DRC1: variants seen among roughly 807,000 people sequenced by gnomAD.
DRC1 encodes dynein regulatory complex subunit 1, also known as dynein regulatory complex protein 1.
In DRC1, 74 loss-of-function variants were observed where a neutral mutation model predicts 98.7. The ratio of observed to expected loss-of-function variants is 0.75; its 90% CI spans 0.62 to 0.91. The LOEUF (loss-of-function observed/expected upper bound fraction) is 0.91. Among genes scored for constraint, DRC1 ranks in the 40% least tolerant of loss-of-function variants. The pLI, the probability that DRC1 is intolerant of heterozygous loss-of-function variation, is 0.00. For synonymous variants in DRC1, 336 were observed against 334.1 expected, an observed-to-expected ratio of 1.01 and a Z score of -0.06; for missense variants, 875 against 886.0, an observed-to-expected ratio of 0.99 and a Z score of 0.16.
chr2:26,438,611 A>G (rs1004745675), intron 7 of DRC1, among the ~76,000 whole-genome samples: 1 of 152,158 alleles, frequency 6.6e-6, no homozygotes, highest in Non-Finnish European at 1.5e-5. Context: ...AATATCCTTG[A>G]CTAATTCCCT....
intron 1 of DRC1, among the ~76,000 whole-genome samples, chr2:26,411,646 AG>A (rs1678614205): frequency 6.6e-6 from 1 of 152,166 alleles, no homozygotes; most frequent in South Asian, 2.1e-4. Context: ...GAAATACAAA[AG>A]TTAGCTGGGT....
intron 2 of DRC1, among the ~76,000 whole-genome samples, chr2:26,417,303 G>C (rs1678840720): frequency 6.6e-6 from 1 of 151,802 alleles, no homozygotes; most frequent in South Asian, 2.1e-4. Context: ...TGTTCTTCCG[G>C]ATTGTCTTGG....
rs549595934 is a variant in DRC1, at chr2:26,415,966, C to A, written c.243+1535C>A. Among the ~76,000 whole-genome samples the A allele has an allele frequency of 3.4e-4, 51 of 149,896 alleles. 2 individuals carry two copies. In the South Asian group the frequency reaches 0.011, roughly 31 times the overall value. On this transcript the variant is annotated intron_variant, in intron 2 of 16. Transcript: ENST00000288710. The stretch of plus-strand genomic sequence containing the variant: ...AAAAAAAAAAAAAAAAGTCAGTGAT[C>A]TCTGAGCATTTCTGTGTAGGACAAA...
At chr2:26,430,497 A>G (rs1663404293) in intron 5 of DRC1, 1 of 531,120 alleles carries the variant, frequency 1.9e-6, no homozygotes, top group African/African-American at 1.9e-5. Context: ...GTGACTGCCA[A>G]CAGGGGCACT....
intron 1 of DRC1, among the ~76,000 whole-genome samples, chr2:26,405,597 C>A (rs768585290): frequency 3.7e-5 from 5 of 136,546 alleles, no homozygotes; most frequent in African/African-American, 5.5e-5. Flanking sequence ...TATTAAGGAA[C>A]TTTTTGGCTA....
chr2:26,449,749 A>G (rs1363651252), intron 11 of DRC1, among the ~76,000 whole-genome samples: 1 of 152,126 alleles, frequency 6.6e-6, no homozygotes, highest in African/African-American at 2.4e-5. Context: ...CTGGGTGGGA[A>G]AAGCTAAGTC....
chr2:26,429,624 C>G lies in DRC1; in HGVS notation c.541-4C>G. The G allele has an allele frequency of 6.2e-7, 1 of 1,613,486 alleles. No individual in the cohort carries two copies. On this transcript the variant is annotated splice_polypyrimidine_tract_variant and splice_region_variant and intron_variant, in intron 4 of 16. Transcript: ENST00000288710. ...TGGCCAGACTTTTACATGCTCTTTT[C>G]TAGGAGTTAAAAACAAAGGATGACC...
intron 6 of DRC1, 116 bp from the exon 7 acceptor site, chr2:26,431,768 T>C: frequency 2.0e-6 from 3 of 1,505,906 alleles, no homozygotes; most frequent in Non-Finnish European, 8.9e-7. Context: ...CCAGACTCCC[T>C]GTGGAGCCAT....
intron 16 of DRC1, 72 bp from the exon 17 acceptor site, chr2:26,456,389 C>T (rs1417148852): frequency 8.8e-6 from 14 of 1,586,948 alleles, no homozygotes; most frequent in East Asian, 2.2e-5. Context: ...GGAGAGCCAG[C>T]GTGGCTCGCA....
intron 7 of DRC1, among the ~76,000 whole-genome samples, chr2:26,432,604 A>AG (rs1572370599): frequency 3.8e-5 from 2 of 52,002 alleles, no homozygotes; most frequent in African/African-American, 8.1e-5. Context: ...AGAAAGAAAA[A>AG]AAAAGAAAGG....
chr2:26,432,545 AAAAG>A (rs759110573), intron 7 of DRC1, among the ~76,000 whole-genome samples: 1 of 150,946 alleles, frequency 6.6e-6, no homozygotes, highest in South Asian at 2.1e-4. Flanking sequence ...AGAAAGAAAG[AAAAG>A]AAAGAAAGGA....
At chr2:26,422,311 G>A (rs1341687036) in intron 3 of DRC1, among the ~76,000 whole-genome samples, 1 of 152,152 alleles carries the variant, frequency 6.6e-6, no homozygotes, top group Non-Finnish European at 1.5e-5. Flanking sequence ...TGGTGAGAAT[G>A]ACCAGACCCA....
intron 1 of DRC1, among the ~76,000 whole-genome samples, chr2:26,410,645 T>C (rs1678576703): frequency 6.6e-6 from 1 of 152,076 alleles, no homozygotes; most frequent in South Asian, 2.1e-4. Context: ...GCAGGGAGCA[T>C]ATTATCATGG....
At chr2:26,444,127 C>T in intron 8 of DRC1, 95 bp from the exon 9 acceptor site, 3 of 1,557,162 alleles carry the variant, frequency 1.9e-6, no homozygotes, top group South Asian at 2.3e-5. Flanking sequence ...CAGATCTGCT[C>T]CTGGGTTTGT....
Position 26,454,722 on chromosome 2 carries a change from G to C in DRC1, c.1995G>C (p.Leu665=). Residue 665 remains leucine (L), a synonymous_variant, in exon 15 of 17, where the codon CTG becomes CTC. Transcript: ENST00000288710. This position sits in a 1 kb window ranked among gnomAD's most constrained non-coding sequence, Gnocchi z 5.2. ...NSKDSEYWQA[L]TTVIPSSKQN... is the part of the protein sequence containing the mutation. ...AGGACTCGGAGTACTGGCAGGCCCTGACCACAGTGATCCCTTCCTCCAAGC... is the reference window on the plus strand; with the variant it reads ...AGGACTCGGAGTACTGGCAGGCCCTCACCACAGTGATCCCTTCCTCCAAGC... 1 of 1,614,134 alleles carries C rather than the reference G, an allele frequency of 6.2e-7. No individual in the cohort carries two copies. The highest frequency in any genetic ancestry group is 8.5e-7 in the Non-Finnish European group (1 of 1,180,012).
chr2:26,437,383 C>A (rs147471288), intron 7 of DRC1, among the ~76,000 whole-genome samples: 105 of 152,298 alleles, frequency 6.9e-4, no homozygotes, highest in African/African-American at 2.4e-3. Flanking sequence ...AGAAAGGGTC[C>A]TTTGTAGTTG....
rs1572380451 is a variant in DRC1 at position 26,444,808 on chromosome 2, T to C, written c.1256T>C (p.Val419Ala). 6.2e-7 allele frequency: 1 copy of C among 1,614,212 alleles called. No individual in the cohort carries two copies. The highest frequency in any genetic ancestry group is 1.7e-4 in the Middle Eastern group (1 of 6,060). ...AKDLIARAFD[V>A]DRIIHTHHLG... The stretch of plus-strand genomic sequence containing the variant: ...GACCTAATAGCCAGAGCCTTTGATG[T>C]GGACAGGATCATCCACACCCATCAT... The change falls in exon 10 of 17, where the codon GTG becomes GCG. Residue 419 changes from valine to alanine, a missense_variant. Coordinates refer to ENST00000288710, the MANE Select transcript of DRC1 (RefSeq NM_145038.5).
At chr2:26,435,949 T>C (rs1663559816) in intron 7 of DRC1, among the ~76,000 whole-genome samples, 1 of 152,208 alleles carries the variant, frequency 6.6e-6, no homozygotes, top group South Asian at 2.1e-4. Context: ...GGTAGAACCA[T>C]TTATATTCCT....
At chr2:26,415,160 G>T (rs1678755240) in intron 2 of DRC1, among the ~76,000 whole-genome samples, 1 of 152,188 alleles carries the variant, frequency 6.6e-6, no homozygotes, top group South Asian at 2.1e-4. Flanking sequence ...ACACAAAAAA[G>T]AAAATCATTG....
Sources: gnomAD v4.1 joint callset for allele counts (sites outside exome capture counted in the v4.1 genomes callset) on GRCh38, gnomAD v4.1.1 for gene constraint, Gnocchi (gnomAD v3.1) non-coding constraint, MANE v1.5 for transcripts, NCBI Gene and HGNC (gene_info 2026-07-23, HGNC 2026-07-21) for gene names.